The following MYCT1 variants were observed in gnomAD, a reference collection of about 807,000 sequenced individuals.
MYCT1 encodes myc target protein 1.
MYCT1 carries 12 observed loss-of-function variants against 15.0 expected under a neutral mutation model. The observed-to-expected ratio is 0.80, with a 90% CI of 0.51 to 1.29. The LOEUF (loss-of-function observed/expected upper bound fraction) is 1.29, where lower values mean the gene tolerates loss of function less well. Ranked by LOEUF, MYCT1 falls within the 50% of genes most tolerant of loss-of-function variation. MYCT1 has a pLI of 0.00. For synonymous variants in MYCT1, 104 were observed against 102.7 expected (o/e 1.01, Z -0.07); for missense variants, 287 against 279.1 (o/e 1.03, Z -0.20).
the MYCT1 span, among the ~76,000 whole-genome samples, chr6:152,733,034 T>C: frequency 6.6e-6 from 1 of 152,302 alleles, no homozygotes; most frequent in East Asian, 1.9e-4. Context: ...TCATTTTTTA[T>C]TTTTGTGTGT....
intron 1 of MYCT1, among the ~76,000 whole-genome samples, chr6:152,720,520 T>C (rs888395943): frequency 6.6e-6 from 1 of 152,244 alleles, no homozygotes; most frequent in African/African-American, 2.4e-5. Context: ...TTAGATATGA[T>C]AGCTTACCTT....
the MYCT1 span, among the ~76,000 whole-genome samples, chr6:152,743,840 A>G: frequency 6.6e-6 from 1 of 152,238 alleles, no homozygotes; most frequent in Non-Finnish European, 1.5e-5. Flanking sequence ...AAATGAGAAC[A>G]TTAGTGTTCC....
In MYCT1 at chr6:152,722,464, C is replaced by G; in HGVS notation, c.*211C>G. 3.8e-6 allele frequency: 2 copies of G among 522,852 alleles called. No homozygotes were observed. The highest frequency in any genetic ancestry group is 1.9e-5 in the African/African-American group (1 of 51,734). 32.4% of individuals were successfully genotyped at this position (522,852 alleles called of 1,614,324 possible). A position where few individuals can be genotyped will look rare whatever the true frequency, so the allele number is the denominator to read the frequency against. On this transcript the variant is annotated 3_prime_UTR_variant, in exon 2 of 2. Coordinates refer to ENST00000367245, the MANE Select transcript of MYCT1 (RefSeq NM_025107.3). ...GTTTCAAAAAATGTAATATTTTCCC[C>G]CAAGCGTTTTATATTTATGTATTTT...
At chr6:152,715,412 CT>C (rs1313692785) in intron 1 of MYCT1, among the ~76,000 whole-genome samples, 1 of 151,176 alleles carries the variant, frequency 6.6e-6, no homozygotes, top group Non-Finnish European at 1.5e-5. Context: ...ATCTCCAAGC[CT>C]TTTGTTTATT....
downstream of MYCT1, among the ~76,000 whole-genome samples, chr6:152,729,485 C>T (rs1379378850): frequency 6.6e-6 from 1 of 152,122 alleles, no homozygotes; most frequent in Non-Finnish European, 1.5e-5. Flanking sequence ...TAAATGATTG[C>T]TCTTACATAT....
At chr6:152,712,509 A>C (rs951667512) in intron 1 of MYCT1, among the ~76,000 whole-genome samples, 8 of 71,360 alleles carry the variant, frequency 1.1e-4, no homozygotes, top group South Asian at 5.4e-4. Flanking sequence ...GCGCACACAC[A>C]CTGGCCTGCG....
At chr6:152,698,368 G>T (rs4145214) in intron 1 of MYCT1, among the ~76,000 whole-genome samples, 73,779 of 151,424 alleles carry the variant, frequency 0.49, 18,501 homozygotes, top group East Asian at 0.79. Flanking sequence ...ACAGATTTTG[G>T]CTGGTGTTAC....
the MYCT1 span, among the ~76,000 whole-genome samples, chr6:152,732,780 A>C: frequency 6.6e-6 from 1 of 152,242 alleles, no homozygotes. Flanking sequence ...TGGGACAGAA[A>C]GAGATTTCTA....
rs200895889 is a variant in MYCT1, at chr6:152,698,111, C to A, written c.196+13C>A. 4.0e-5 allele frequency: 60 copies of A among 1,489,348 alleles called. No homozygotes were observed. The highest frequency in any genetic ancestry group is 4.7e-5 in the Non-Finnish European group (53 of 1,116,316). 92.3% of individuals were successfully genotyped at this position (1,489,348 alleles called of 1,614,324 possible). ...GAAAACTTTTGGGGTAAGGTATTTT[C>A]TTTTACTGTTTAAAATTTAAAATTA... On this transcript the variant is annotated intron_variant, in intron 1 of 1. Transcript: ENST00000367245.
chr6:152,706,017 C>T (rs1208974915), intron 1 of MYCT1: 3 of 941,550 alleles, frequency 3.2e-6, no homozygotes, highest in African/African-American at 1.6e-5. Flanking sequence ...TGTGGCCTCT[C>T]CATTAACTAC....
the MYCT1 span, among the ~76,000 whole-genome samples, chr6:152,734,023 G>C: frequency 2.0e-5 from 3 of 151,946 alleles, no homozygotes; most frequent in African/African-American, 4.8e-5. Flanking sequence ...CTGGCACAAA[G>C]AGCCAGGTCT....
chr6:152,706,822 A>T (rs1166318910), intron 1 of MYCT1, among the ~76,000 whole-genome samples: 2 of 151,386 alleles, frequency 1.3e-5, no homozygotes, highest in Admixed American at 1.3e-4. Flanking sequence ...TCTGAAATAT[A>T]ACATTTCCAT....
chr6:152,744,559 G>A, the MYCT1 span, among the ~76,000 whole-genome samples: 3 of 152,326 alleles, frequency 2.0e-5, no homozygotes, highest in Middle Eastern at 3.4e-3. Context: ...TCAGCAGGGA[G>A]CCGTTGGCCC....
At chr6:152,743,253 A>T in the MYCT1 span, among the ~76,000 whole-genome samples, 2 of 152,018 alleles carry the variant, frequency 1.3e-5, no homozygotes, top group African/African-American at 4.8e-5. Flanking sequence ...TATAGTAGAG[A>T]TAGGGTTATG....
rs1008803197 is a variant in MYCT1 at position 152,724,142 on chromosome 6, G to A, written c.*1889G>A. The A allele has an allele frequency of 1.3e-5, 2 of 151,700 alleles. No homozygotes were observed. Among genetic ancestry groups the A allele is most frequent in the African/African-American group, 2.4e-5 (1 of 41,326 alleles). The allele number at this position is 151,700 out of a possible 1,614,324, so 9.4% of individuals were successfully genotyped here. A position where few individuals can be genotyped will look rare whatever the true frequency, so the allele number is the denominator to read the frequency against. On this transcript the variant is annotated 3_prime_UTR_variant, in exon 2 of 2. Coordinates refer to ENST00000367245, the MANE Select transcript of MYCT1 (RefSeq NM_025107.3). ...GAAGAAAAAGGGAAAAAAGCTAACC[G>A]GATAACCAATTTGTTATAAGTTGGT...
chr6:152,736,496 T>C, the MYCT1 span, among the ~76,000 whole-genome samples: 1 of 152,092 alleles, frequency 6.6e-6, no homozygotes, highest in Non-Finnish European at 1.5e-5. Context: ...CCTGACCAGG[T>C]TCAAGACCCC....
chr6:152,712,898 T>C (rs1219490376), intron 1 of MYCT1, among the ~76,000 whole-genome samples: 3 of 131,240 alleles, frequency 2.3e-5, no homozygotes, highest in African/African-American at 9.9e-5. Flanking sequence ...GTTCTTTATA[T>C]ATATTCTGCT....
At chr6:152,716,483 G>T (rs1034471209) in intron 1 of MYCT1, among the ~76,000 whole-genome samples, 1 of 152,052 alleles carries the variant, frequency 6.6e-6, no homozygotes, top group African/African-American at 2.4e-5. Context: ...TTCAGAGTTG[G>T]AATGCTTCAA....
At chr6:152,742,894 T>C in the MYCT1 span, among the ~76,000 whole-genome samples, 6 of 152,208 alleles carry the variant, frequency 3.9e-5, no homozygotes, top group Non-Finnish European at 7.3e-5. Context: ...AAAGTGTTTC[T>C]CATTTCCTTA....
Sources: gnomAD v4.1 joint callset for allele counts (sites outside exome capture counted in the v4.1 genomes callset) on GRCh38, gnomAD v4.1.1 for gene constraint, MANE v1.5 for transcripts, NCBI Gene and HGNC (gene_info 2026-07-23, HGNC 2026-07-21) for gene names.